RBM19: variants seen among roughly 807,000 people sequenced by gnomAD.
RBM19 encodes probable RNA-binding protein 19.
In RBM19, 94 loss-of-function variants were observed where a neutral mutation model predicts 116.8. The observed-to-expected ratio is 0.80, with a 90% CI of 0.68 to 0.95. RBM19 has a LOEUF of 0.95. Among genes scored for constraint, RBM19 ranks in the 40% least tolerant of loss-of-function variants. The pLI is 0.00. For missense variants in RBM19, 1,161 were observed against 1,220.7 expected, an observed-to-expected ratio of 0.95 and a Z score of 0.73; for synonymous variants, 475 against 494.1, an observed-to-expected ratio of 0.96 and a Z score of 0.51.
chr12:113,855,861 G>A (rs982514900), intron 22 of RBM19, among the ~76,000 whole-genome samples: 3 of 152,144 alleles, frequency 2.0e-5, no homozygotes, highest in African/African-American at 7.2e-5. Context: ...ACGATTCTAC[G>A]GGTCAGTGGA....
chr12:113,896,173 G>T (rs758465052), intron 21 of RBM19, among the ~76,000 whole-genome samples: 9 of 152,154 alleles, frequency 5.9e-5, no homozygotes, highest in Admixed American at 1.3e-4. Context: ...CCATGAGGTC[G>T]CTGGAGGTAG....
intron 21 of RBM19, among the ~76,000 whole-genome samples, chr12:113,888,945 G>A (rs1016284018): frequency 6.6e-5 from 10 of 152,192 alleles, no homozygotes; most frequent in Non-Finnish European, 1.0e-4. Context: ...GAAAGCCTTT[G>A]GGGGGCTCTT....
intron 13 of RBM19, among the ~76,000 whole-genome samples, chr12:113,944,800 A>C (rs950644781): frequency 2.7e-5 from 4 of 150,850 alleles, no homozygotes; most frequent in African/African-American, 7.3e-5. Flanking sequence ...ACTCTGTCTC[A>C]AAAAAAAATT....
At chr12:113,891,977 C>T (rs1054213927) in intron 21 of RBM19, among the ~76,000 whole-genome samples, 2 of 152,276 alleles carry the variant, frequency 1.3e-5, no homozygotes, top group African/African-American at 2.4e-5. Context: ...TATGTGACAA[C>T]GCACATCCTG....
intron 19 of RBM19, among the ~76,000 whole-genome samples, chr12:113,918,830 G>A (rs1213916680): frequency 1.3e-5 from 2 of 152,202 alleles, no homozygotes; most frequent in Non-Finnish European, 2.9e-5. Context: ...AAATCCTAGT[G>A]GAGTTGCATC....
At chr12:113,963,496 G>T (rs1351190204) in intron 1 of RBM19, among the ~76,000 whole-genome samples, 3 of 152,202 alleles carry the variant, frequency 2.0e-5, no homozygotes, top group Non-Finnish European at 4.4e-5. Context: ...ATTTTCTGAG[G>T]TAGCTTCTTA....
At chr12:113,820,757 G>A (rs1874364593), downstream of RBM19, among the ~76,000 whole-genome samples, 1 of 152,162 alleles carries the variant, frequency 6.6e-6, no homozygotes, top group African/African-American at 2.4e-5. Flanking sequence ...GCGTGCCTGG[G>A]GCAGGGGTGC....
Position 113,850,271 on chromosome 12 carries a change from C to T in RBM19, c.2665-5483G>A, listed in dbSNP as rs1327027057. ...TTCCTACTTCAGATGGGGTGTCTCG[C>T]ATGCCTTGGCCCTACTCAGAATTTG... On this transcript the variant is annotated intron_variant, in intron 22 of 23. Coordinates refer to ENST00000261741, the MANE Select transcript of RBM19 (RefSeq NM_016196.4). 2.6e-5 allele frequency among the ~76,000 whole-genome samples: 4 copies of T among 152,336 alleles called. No individual in the cohort carries two copies. In the East Asian group the frequency reaches 7.7e-4, roughly 29 times the overall value.
At chr12:113,851,020 T>C (rs1199139403) in intron 22 of RBM19, among the ~76,000 whole-genome samples, 1 of 152,196 alleles carries the variant, frequency 6.6e-6, no homozygotes, top group African/African-American at 2.4e-5. Context: ...AGATAGATCC[T>C]TTCCTTCGGT....
chr12:113,899,140 G>A (rs1415222092), intron 21 of RBM19, among the ~76,000 whole-genome samples: 2 of 152,224 alleles, frequency 1.3e-5, no homozygotes, highest in Admixed American at 6.5e-5. Flanking sequence ...TGTTACTTTA[G>A]GAATGAAACT....
chr12:113,883,695 C>A (rs1441253536), intron 21 of RBM19, among the ~76,000 whole-genome samples: 1 of 150,270 alleles, frequency 6.7e-6, no homozygotes, highest in Non-Finnish European at 1.5e-5. Flanking sequence ...GGATTTGGAC[C>A]CAGGTCTGTC....
chr12:113,852,792 C>T (rs1161167855), intron 22 of RBM19, among the ~76,000 whole-genome samples: 9 of 152,344 alleles, frequency 5.9e-5, no homozygotes, highest in Admixed American at 5.2e-4. Context: ...TGTCCATGTT[C>T]GCACAGCTGC....
chr12:113,943,324 C>T (rs1356884331), intron 13 of RBM19, among the ~76,000 whole-genome samples: 2 of 152,118 alleles, frequency 1.3e-5, no homozygotes, highest in African/African-American at 4.8e-5. Flanking sequence ...GGATCTGAAG[C>T]GGCTGCAGGC....
intron 15 of RBM19, among the ~76,000 whole-genome samples, chr12:113,939,070 A>C (rs1158041625): frequency 1.3e-5 from 2 of 152,304 alleles, no homozygotes; most frequent in African/African-American, 2.4e-5. Context: ...CATTCATCTC[A>C]TTGTAGCTAC....
intron 16 of RBM19, among the ~76,000 whole-genome samples, chr12:113,930,641 A>C (rs1869519251): frequency 6.6e-6 from 1 of 152,150 alleles, no homozygotes; most frequent in Non-Finnish European, 1.5e-5. Flanking sequence ...CGGGAGGAAC[A>C]CCCAGCTTAA....
chr12:113,882,098 A>G (rs1427131510), intron 21 of RBM19, among the ~76,000 whole-genome samples: 1 of 152,214 alleles, frequency 6.6e-6, no homozygotes, highest in Non-Finnish European at 1.5e-5. Context: ...CTGTCAGCTC[A>G]TGTGCTCTCC....
intron 21 of RBM19, among the ~76,000 whole-genome samples, chr12:113,909,343 A>C (rs1056135433): frequency 6.0e-5 from 9 of 149,936 alleles, no homozygotes; most frequent in Non-Finnish European, 1.0e-4. Context: ...ATAGTCTCGA[A>C]CTCCTAGCTT....
intron 16 of RBM19, among the ~76,000 whole-genome samples, chr12:113,934,318 C>G (rs1210249385): frequency 6.6e-6 from 1 of 152,216 alleles, no homozygotes; most frequent in Admixed American, 6.5e-5. Flanking sequence ...GGATATCATG[C>G]CCGTTTTACA....
At chr12:113,828,900 C>T (rs955448096) in intron 23 of RBM19, among the ~76,000 whole-genome samples, 1 of 152,178 alleles carries the variant, frequency 6.6e-6, no homozygotes, top group South Asian at 2.1e-4. Context: ...AGGCACACAT[C>T]AGGTACGCAC....
Sources: gnomAD v4.1 joint callset for allele counts (sites outside exome capture counted in the v4.1 genomes callset) on GRCh38, gnomAD v4.1.1 for gene constraint, MANE v1.5 for transcripts, NCBI Gene and HGNC (gene_info 2026-07-23, HGNC 2026-07-21) for gene names.